Variants in ANXA10 observed in about 807,000 individuals in gnomAD.
ANXA10 encodes the protein annexin 14.
A neutral mutation model predicts 53.5 loss-of-function variants in ANXA10; 49 were observed. That is an observed-to-expected ratio of 0.92 (90% CI 0.73 to 1.16). ANXA10 has a LOEUF of 1.16. Among genes scored for constraint, ANXA10 ranks in the 50% most tolerant of loss-of-function variants. The probability of loss-of-function intolerance (pLI) is 0.00; values close to 1 mark genes in which losing one functional copy is unlikely to be tolerated. For synonymous variants in ANXA10, 131 were observed against 128.9 expected, an observed-to-expected ratio of 1.02 and a Z score of -0.11; for missense variants, 393 against 394.4, an observed-to-expected ratio of 1.00 and a Z score of 0.03.
intron 3 of ANXA10, among the ~76,000 whole-genome samples, chr4:168,158,662 T>C (rs944413083): frequency 2.6e-5 from 4 of 152,326 alleles, no homozygotes; most frequent in Non-Finnish European, 5.9e-5. Context: ...AGTTTTTCAC[T>C]GGTATCCTCT....
At chr4:168,175,177 C>T (rs1732102754) in intron 6 of ANXA10, among the ~76,000 whole-genome samples, 1 of 152,098 alleles carries the variant, frequency 6.6e-6, no homozygotes, top group African/African-American at 2.4e-5. Context: ...ATTGCAGGAT[C>T]CTGGAAGCCA....
At position 168,179,254 on chromosome 4, in the gene ANXA10, G is replaced by C; in HGVS notation, c.666G>C (p.Met222Ile). The change falls in exon 9 of 12, where the codon ATG (methionine) becomes ATC (isoleucine). Residue 222 changes from methionine (M) to isoleucine (I), a missense_variant. Coordinates refer to ENST00000359299, the MANE Select transcript of ANXA10 (RefSeq NM_007193.5). ...TTCAAAATATTTCTGGGCAAGATAT[G>C]GTAGATGCCATTAATGAATGTTATG... The part of the protein sequence containing the change: ...QEFQNISGQD[M>I]VDAINECYDG... The C allele has an allele frequency of 1.9e-6, 3 of 1,611,622 alleles. No individual in the cohort carries two copies. Among genetic ancestry groups the C allele is most frequent in the Non-Finnish European group, 2.5e-6 (3 of 1,178,936 alleles).
intron 5 of ANXA10, 91 bp downstream of exon 5, chr4:168,164,379 T>C: frequency 1.1e-6 from 1 of 948,974 alleles, no homozygotes. Context: ...TGAAGAATTA[T>C]CTAAGACATT....
chr4:168,185,251 G>A (rs1221211982), intron 11 of ANXA10, among the ~76,000 whole-genome samples: 1 of 152,196 alleles, frequency 6.6e-6, no homozygotes, highest in African/African-American at 2.4e-5. Context: ...ATGCAGTCAT[G>A]CAAAATATTC....
chr4:168,143,683 T>G (rs537364770), intron 3 of ANXA10, among the ~76,000 whole-genome samples: 2 of 152,336 alleles, frequency 1.3e-5, no homozygotes, highest in African/African-American at 4.8e-5. Context: ...AATTCAGCAT[T>G]GATGCAATTA....
chr4:168,118,863 A>G (rs1397422083), intron 1 of ANXA10, among the ~76,000 whole-genome samples: 1 of 152,146 alleles, frequency 6.6e-6, no homozygotes, highest in Non-Finnish European at 1.5e-5. Context: ...AAAAGTTATT[A>G]TTCATGTTTT....
intron 9 of ANXA10, 106 bp downstream of exon 9, chr4:168,179,418 T>C: frequency 1.3e-6 from 1 of 750,674 alleles, no homozygotes; most frequent in South Asian, 1.8e-5. Flanking sequence ...GATCGAGTCA[T>C]TTTCCCTTGA....
intron 6 of ANXA10, among the ~76,000 whole-genome samples, chr4:168,174,415 G>A (rs1226059693): frequency 6.6e-6 from 1 of 152,132 alleles, no homozygotes; most frequent in Non-Finnish European, 1.5e-5. Flanking sequence ...CCGCACCTAT[G>A]CCAGCAATTG....
intron 6 of ANXA10, among the ~76,000 whole-genome samples, chr4:168,167,629 T>C (rs1731904228): frequency 6.6e-6 from 1 of 152,210 alleles, no homozygotes; most frequent in Non-Finnish European, 1.5e-5. Flanking sequence ...TTCTTTAATC[T>C]TAGTTTGTAA....
chr4:168,110,615 T>C (rs1730793239), intron 1 of ANXA10, among the ~76,000 whole-genome samples: 1 of 152,108 alleles, frequency 6.6e-6, no homozygotes, highest in African/African-American at 2.4e-5. Flanking sequence ...ATTTCAAAAT[T>C]CTAAAACTTT....
intron 2 of ANXA10, among the ~76,000 whole-genome samples, chr4:168,129,858 A>G (rs1731130724): frequency 6.6e-6 from 1 of 152,170 alleles, no homozygotes; most frequent in African/African-American, 2.4e-5. Flanking sequence ...CACCACTTGA[A>G]GATACTTTCC....
chr4:168,183,853 C>T (rs760747736), intron 10 of ANXA10, among the ~76,000 whole-genome samples: 16 of 152,264 alleles, frequency 1.1e-4, no homozygotes, highest in Middle Eastern at 3.4e-3. Flanking sequence ...TAGTAATATA[C>T]ATTCAAAACA....
chr4:168,123,742 A>AT (rs200748174), intron 1 of ANXA10, among the ~76,000 whole-genome samples: 50 of 151,342 alleles, frequency 3.3e-4, no homozygotes, highest in East Asian at 7.8e-4. Context: ...TCAGCATGTT[A>AT]TTTTTTTTTC....
At chr4:168,093,200 ACTT>A (rs1258499352) in intron 1 of ANXA10, among the ~76,000 whole-genome samples, 1 of 152,156 alleles carries the variant, frequency 6.6e-6, no homozygotes, top group Non-Finnish European at 1.5e-5. Context: ...CTCGATATTT[ACTT>A]CTATCTATAA....
At chr4:168,162,954 C>T (rs866668928) in intron 4 of ANXA10, among the ~76,000 whole-genome samples, 2 of 152,064 alleles carry the variant, frequency 1.3e-5, no homozygotes, top group South Asian at 4.1e-4. Flanking sequence ...TCAGATTTGT[C>T]CCTGAGCATG....
At chr4:168,146,144 G>A (rs1255212980) in intron 3 of ANXA10, among the ~76,000 whole-genome samples, 3 of 152,146 alleles carry the variant, frequency 2.0e-5, no homozygotes, top group Non-Finnish European at 2.9e-5. Context: ...CCTGACCTCA[G>A]ATGATCCACC....
chr4:168,135,210 C>A (rs1380704051), intron 2 of ANXA10, among the ~76,000 whole-genome samples: 7 of 152,178 alleles, frequency 4.6e-5, no homozygotes, highest in African/African-American at 1.7e-4. Context: ...GCAGGGAGGG[C>A]ATTGGTCAAT....
At chr4:168,155,351 T>A (rs1731590206) in intron 3 of ANXA10, among the ~76,000 whole-genome samples, 1 of 120,746 alleles carries the variant, frequency 8.3e-6, no homozygotes, top group Non-Finnish European at 1.6e-5. Context: ...TATAATATAT[T>A]ATATATTATA....
At chr4:168,096,173 T>C (rs893080103) in intron 1 of ANXA10, among the ~76,000 whole-genome samples, 4 of 152,208 alleles carry the variant, frequency 2.6e-5, no homozygotes, top group African/African-American at 9.6e-5. Context: ...AGGCTGTTGA[T>C]AAGGCAAGAT....
Sources: gnomAD v4.1 joint callset for allele counts (sites outside exome capture counted in the v4.1 genomes callset) on GRCh38, gnomAD v4.1.1 for gene constraint, MANE v1.5 for transcripts, NCBI Gene and HGNC (gene_info 2026-07-23, HGNC 2026-07-21) for gene names.